Variants in ZNF565 observed in about 807,000 individuals in gnomAD.
The protein encoded by ZNF565 is zinc finger protein 565.
ZNF565 carries 27 observed loss-of-function variants against 39.4 expected under a neutral mutation model. The observed-to-expected ratio is 0.69, with a 90% confidence interval of 0.51 to 0.95. The LOEUF is 0.95. ZNF565 is among the 40% of genes least tolerant of loss of function. ZNF565 has a pLI of 0.00. For synonymous variants in ZNF565, 185 were observed against 216.6 expected, an observed-to-expected ratio of 0.85 and a Z score of 1.28; for missense variants, 524 against 621.1, an observed-to-expected ratio of 0.84 and a Z score of 1.66.
chr19:36,190,077 A>G (rs1975470599), intron 4 of ZNF565, among the ~76,000 whole-genome samples: 1 of 151,482 alleles, frequency 6.6e-6, no homozygotes, highest in Non-Finnish European at 1.5e-5. Flanking sequence ...CAAGTGATCC[A>G]CCTACTGGTC....
chr19:36,226,666 C>G (rs546542210), intron 1 of ZNF565, among the ~76,000 whole-genome samples: 1 of 152,250 alleles, frequency 6.6e-6, no homozygotes, highest in South Asian at 2.1e-4. Flanking sequence ...CAAAAACATT[C>G]TTTTTCATAA....
chr19:36,210,626 ATT>A (rs376828715), intron 1 of ZNF565, among the ~76,000 whole-genome samples: 3,979 of 143,732 alleles, frequency 0.028, 193 homozygotes, highest in African/African-American at 0.093. Flanking sequence ...TCAAAAAATC[ATT>A]TTTTTTTTTT....
intron 1 of ZNF565, among the ~76,000 whole-genome samples, chr19:36,226,266 G>C (rs1338387532): frequency 6.6e-6 from 1 of 152,142 alleles, no homozygotes; most frequent in African/African-American, 2.4e-5. Flanking sequence ...CCTGCAAGTT[G>C]CTTCCAGCCA....
At chr19:36,236,909 A>G (rs1398598358) in intron 1 of ZNF565, 1 of 1,614,038 alleles carries the variant, frequency 6.2e-7, no homozygotes, top group African/African-American at 1.3e-5. Context: ...GAAGCCTTTT[A>G]AATGTAGTGA....
At chr19:36,208,118 C>T (rs1169483610) in intron 1 of ZNF565, among the ~76,000 whole-genome samples, 3 of 152,028 alleles carry the variant, frequency 2.0e-5, no homozygotes, top group Non-Finnish European at 4.4e-5. Context: ...AAGAGCAGAG[C>T]TGTCCGATTC....
chr19:36,204,816 CCT>C (rs1005846348), intron 1 of ZNF565, among the ~76,000 whole-genome samples: 4 of 148,812 alleles, frequency 2.7e-5, no homozygotes, highest in African/African-American at 9.9e-5. Context: ...ATGGTGAAAC[CCT>C]GTCTCTACTA....
At chr19:36,209,895 T>C (rs142003991) in intron 1 of ZNF565, among the ~76,000 whole-genome samples, 2 of 151,854 alleles carry the variant, frequency 1.3e-5, no homozygotes, top group African/African-American at 4.8e-5. Context: ...TTAATACATA[T>C]AATGGTTAAT....
At chr19:36,228,976 T>G (rs545770683) in intron 1 of ZNF565, among the ~76,000 whole-genome samples, 22 of 152,202 alleles carry the variant, frequency 1.4e-4, no homozygotes, top group Non-Finnish European at 1.8e-4. Flanking sequence ...CATTTTTGTG[T>G]GTTTCATTAT....
At chr19:36,218,839 C>T (rs972138443), upstream of ZNF565, among the ~76,000 whole-genome samples, 5 of 150,082 alleles carry the variant, frequency 3.3e-5, no homozygotes, top group African/African-American at 7.4e-5. Context: ...GACAGAGTCT[C>T]GGTTTGTCGC....
rs766900622 is a variant in ZNF565 at position 36,182,576 on chromosome 19, C to G, written c.1390G>C (p.Glu464Gln). ...ATACCAGGATGAATTCTCTGATGTT[C>G]GGTAAGTTGTGAACTACGAATAAAG... is the stretch of plus-strand genomic sequence containing the variant. ...MAFIRSSQLT[E>Q]HQRIHPGIKP... The change falls in exon 5 of 5, where the codon GAA (glutamate) becomes CAA (glutamine). Residue 464 changes from glutamate (E) to glutamine (Q), a missense_variant. Glu to Gln is a conservative substitution (Grantham distance 29). Coordinates refer to ENST00000304116, the MANE Select transcript of ZNF565 (RefSeq NM_152477.5). 2.5e-6 allele frequency: 4 copies of G among 1,613,844 alleles called. No homozygotes were observed. The highest frequency in any genetic ancestry group is 3.4e-6 in the Non-Finnish European group (4 of 1,179,954).
chr19:36,217,201 T>TAG (rs145689056), upstream of ZNF565, among the ~76,000 whole-genome samples: 95,227 of 150,430 alleles, frequency 0.63, 30,328 homozygotes, highest in Middle Eastern at 0.7. Context: ...TAGCTGGGAT[T>TAG]AGTTGCCTGC....
chr19:36,202,169 C>A, intron 1 of ZNF565, 119 bp from the exon 2 acceptor site: 1 of 651,382 alleles, frequency 1.5e-6, no homozygotes. Context: ...CTGCTTCTCC[C>A]ACCTCTCCAT....
rs149647677 is a variant in ZNF565, at chr19:36,206,186, T to C, written c.-65-4136A>G. On this transcript the variant is annotated intron_variant, in intron 1 of 4. Transcript: ENST00000304116. ...CATGTTGGCCAGGCTGGTCTTCAAC[T>C]CCTGCCTCAAGTGATATCCCCACTT... Among the ~76,000 whole-genome samples, 403 of 152,168 alleles carry C rather than the reference T, an allele frequency of 2.6e-3. 3 individuals carry two copies. Among genetic ancestry groups the C allele is most frequent in the African/African-American group, 9.0e-3 (373 of 41,526 alleles).
intron 1 of ZNF565, chr19:36,238,854 T>G (rs1977744472): frequency 6.2e-6 from 1 of 161,708 alleles, no homozygotes. Context: ...AGGAGGTGAG[T>G]GGCGGGTGAG....
At chr19:36,223,681 G>T (rs1173162385) in intron 1 of ZNF565, among the ~76,000 whole-genome samples, 1 of 9,312 alleles carries the variant, frequency 1.1e-4, no homozygotes, top group Non-Finnish European at 2.0e-4. Flanking sequence ...AGTCTTTTAT[G>T]GTTATCAGAC....
At chr19:36,195,196 CTT>C in intron 2 of ZNF565, 40 bp from the exon 3 acceptor site, 1 of 1,573,626 alleles carries the variant, frequency 6.4e-7, no homozygotes, top group Non-Finnish European at 8.6e-7. Context: ...CATTAAGAAA[CTT>C]TTTTCATTTA....
chr19:36,236,331 C>CT (rs1977642608), intron 1 of ZNF565: 1 of 1,318,976 alleles, frequency 7.6e-7, no homozygotes, highest in Non-Finnish European at 1.0e-6. Flanking sequence ...ACAGAGAAGC[C>CT]TTATAAATGT....
At chr19:36,198,605 A>AT (rs199795939) in intron 2 of ZNF565, among the ~76,000 whole-genome samples, 25,067 of 147,322 alleles carry the variant, frequency 0.17, 2,256 homozygotes, top group Admixed American at 0.21. Context: ...TTAATTGTAC[A>AT]TTTTTTTTTT....
chr19:36,207,823 C>A (rs781547719), intron 1 of ZNF565, among the ~76,000 whole-genome samples: 1 of 152,176 alleles, frequency 6.6e-6, no homozygotes, highest in Non-Finnish European at 1.5e-5. Flanking sequence ...TCTCTTCATG[C>A]ATGTGGTGAC....
Sources: gnomAD v4.1 joint callset for allele counts (sites outside exome capture counted in the v4.1 genomes callset) on GRCh38, gnomAD v4.1.1 for gene constraint, MANE v1.5 for transcripts, NCBI Gene and HGNC (gene_info 2026-07-23, HGNC 2026-07-21) for gene names.